Variants in WDR26 observed in about 807,000 individuals in gnomAD.
WDR26 encodes WD repeat-containing protein 26.
Under a neutral mutation model 84.1 loss-of-function variants are expected in WDR26, and 5 were observed. The ratio of observed to expected loss-of-function variants is 0.06; its 90% CI spans 0.03 to 0.13. The LOEUF is 0.13. Ranked by LOEUF, WDR26 falls within the 10% of genes least tolerant of loss-of-function variation. WDR26 has a pLI of 1.00. For missense variants in WDR26, 642 were observed against 974.9 expected (o/e 0.66, Z 4.55); for synonymous variants, 415 against 389.6 (o/e 1.07, Z -0.77).
rs1440337463 is a variant in WDR26, at chr1:224,385,656, G to C, written c.*4179C>G. 6.6e-6 allele frequency: 1 copy of C among 152,536 alleles called. No individual in the cohort carries two copies. The highest frequency in any genetic ancestry group is 2.4e-5 in the African/African-American group (1 of 41,410). The allele number at this position is 152,536 out of a possible 1,614,324, so 9.4% of individuals were successfully genotyped here. A position where few individuals can be genotyped will look rare whatever the true frequency, so the allele number is the denominator to read the frequency against. On this transcript the variant is annotated 3_prime_UTR_variant, in exon 14 of 14. Transcript: ENST00000414423. ...TTCTTTTCTTGATCTCTACAGCTTG[G>C]TTTGTAAGTACATACATGCTTTTGT...
intron 4 of WDR26, among the ~76,000 whole-genome samples, chr1:224,424,275 C>G (rs566337601): frequency 3.6e-4 from 55 of 152,280 alleles, no homozygotes; most frequent in African/African-American, 1.3e-3. Flanking sequence ...ATAGAACATT[C>G]TAAAATAGCA....
chr1:224,431,545 G>A lies in WDR26; in HGVS notation c.859C>T (p.His287Tyr). ...CTTACCACAATAGCATGAGGAGAAT[G>A]CACTAAAGGCTTTAGTTCATTCAGG... The change falls in exon 3 of 14, where the codon CAT (histidine) becomes TAT (tyrosine). Residue 287 changes from histidine to tyrosine, a missense_variant. Physicochemically the swap from His to Tyr is moderately conservative, Grantham distance 83. Coordinates refer to ENST00000414423, the MANE Select transcript of WDR26 (RefSeq NM_001379403.1). 6.8e-6 allele frequency: 11 copies of A among 1,614,022 alleles called. No individual in the cohort carries two copies. The highest frequency in any genetic ancestry group is 9.3e-6 in the Non-Finnish European group (11 of 1,179,968).
intron 5 of WDR26, 69 bp downstream of exon 5, chr1:224,419,449 C>T (rs12737765): frequency 1.7e-6 from 2 of 1,188,422 alleles, no homozygotes; most frequent in African/African-American, 3.0e-5. Context: ...ATCTGTCTTC[C>T]TAATTGATCA....
intron 6 of WDR26, among the ~76,000 whole-genome samples, chr1:224,415,593 T>C (rs1558434257): frequency 6.6e-6 from 1 of 151,652 alleles, no homozygotes; most frequent in East Asian, 2.0e-4. Flanking sequence ...CCTGAGTAGC[T>C]GGGACTACAG....
intron 9 of WDR26, 72 bp from the exon 10 acceptor site, chr1:224,399,106 C>A (rs1673338301): frequency 1.5e-6 from 2 of 1,358,770 alleles, no homozygotes; most frequent in African/African-American, 3.0e-5. Context: ...AACCAAAAGA[C>A]TCCCTTCACA....
intron 3 of WDR26, among the ~76,000 whole-genome samples, chr1:224,427,103 C>CAAAAAAAAAAAAAAAAAAAAAA (rs769063024): frequency 2.2e-5 from 2 of 91,168 alleles, no homozygotes; most frequent in African/African-American, 8.7e-5. Context: ...AACTCTGTCT[C>CAAAAAAAAAAAAAAAAAAAAAA]CAAAAAAAAA....
intron 7 of WDR26, among the ~76,000 whole-genome samples, chr1:224,410,281 C>A (rs1200974504): frequency 3.4e-3 from 351 of 103,058 alleles, no homozygotes; most frequent in African/African-American, 8.3e-3. Context: ...GACTTTGTCT[C>A]AAAAAAAAAA....
intron 3 of WDR26, among the ~76,000 whole-genome samples, chr1:224,425,747 A>G (rs1674191067): frequency 6.6e-6 from 1 of 152,236 alleles, no homozygotes; most frequent in South Asian, 2.1e-4. Context: ...CAGAGACATC[A>G]GTAGGTAGGA....
rs1386149379 is a variant in WDR26, at chr1:224,388,182, G to A, written c.*1653C>T. The A allele has an allele frequency of 2.6e-5, 4 of 152,192 alleles. No individual in the cohort carries two copies. The highest frequency in any genetic ancestry group is 5.9e-5 in the Non-Finnish European group (4 of 68,008). The allele number at this position is 152,192 out of a possible 1,614,324, so 9.4% of individuals were successfully genotyped here. A position where few individuals can be genotyped will look rare whatever the true frequency, so the allele number is the denominator to read the frequency against. Reference sequence around the variant, plus strand: ...CCCGACCACCTACCCCACAATGGAAGAATTTTTGACATCCAAGCCCTCTTC... The same window carrying A: ...CCCGACCACCTACCCCACAATGGAAAAATTTTTGACATCCAAGCCCTCTTC... On this transcript the variant is annotated 3_prime_UTR_variant, in exon 14 of 14. Transcript: ENST00000414423.
At position 224,387,019 on chromosome 1, in the gene WDR26, A is replaced by G. The variant is rs1673005591; in HGVS notation, c.*2816T>C. 1 of 152,612 alleles carries G rather than the reference A, an allele frequency of 6.6e-6. No individual in the cohort carries two copies. Among genetic ancestry groups the G allele is most frequent in the South Asian group, 2.1e-4 (1 of 4,836 alleles). 9.5% of individuals were successfully genotyped at this position (152,612 alleles called of 1,614,324 possible). On this transcript the variant is annotated 3_prime_UTR_variant, in exon 14 of 14. Transcript: ENST00000414423. Reference sequence around the variant, plus strand: ...TTGGAGGAAAAAGACATTTAATTTTATATTTGCTCTAGCCCTTAATCAATG... The same window carrying G: ...TTGGAGGAAAAAGACATTTAATTTTGTATTTGCTCTAGCCCTTAATCAATG...
intron 4 of WDR26, among the ~76,000 whole-genome samples, chr1:224,420,796 C>G (rs990061538): frequency 6.6e-6 from 1 of 152,006 alleles, no homozygotes; most frequent in African/African-American, 2.4e-5. Context: ...GACAGGGTTT[C>G]ACCATGTTAG....
intron 9 of WDR26, 92 bp downstream of exon 9, chr1:224,400,858 T>C (rs2102893837): frequency 6.5e-7 from 1 of 1,530,510 alleles, no homozygotes; most frequent in East Asian, 2.3e-5. Context: ...CAGAGTATAC[T>C]TTGTAAGATA....
At chr1:224,413,806 GTTTATC>G (rs1433619301) in intron 6 of WDR26, among the ~76,000 whole-genome samples, 5 of 152,080 alleles carry the variant, frequency 3.3e-5, no homozygotes, top group South Asian at 4.2e-4. Flanking sequence ...CTCCTCTAAT[GTTTATC>G]TTTATTTGTT....
chr1:224,432,087 CAAAT>C (rs554620329), intron 1 of WDR26, among the ~76,000 whole-genome samples: 45 of 152,250 alleles, frequency 3.0e-4, no homozygotes, highest in Admixed American at 8.5e-4. Context: ...ACCAACTAGT[CAAAT>C]AAATGAAAAA....
At chr1:224,393,710 A>G (rs1414947706) in intron 13 of WDR26, 118 bp downstream of exon 13, 1 of 845,644 alleles carries the variant, frequency 1.2e-6, no homozygotes, top group East Asian at 2.6e-5. Context: ...CAATATGTAA[A>G]AGAGAGAAAT....
Position 224,402,817 on chromosome 1 carries a change from A to G in WDR26, c.1599+1613T>C, listed in dbSNP as rs181165499. 7.9e-5 allele frequency among the ~76,000 whole-genome samples: 12 copies of G among 152,314 alleles called. No homozygotes were observed. In the East Asian group the frequency reaches 2.3e-3, roughly 29 times the overall value. On this transcript the variant is annotated intron_variant, in intron 8 of 13. Transcript: ENST00000414423. ...CCTCCCTGAACCCAATCACAAATAC[A>G]GCATTGATTAAATGCTGATTTGACA...
rs1396851722 is a variant in WDR26 at position 224,418,527 on chromosome 1, C to T, written c.1163-111G>A. 6 of 1,034,336 alleles carry T rather than the reference C, an allele frequency of 5.8e-6. No individual in the cohort carries two copies. In the South Asian group the frequency reaches 1.2e-4, roughly 20 times the overall value. 64.1% of individuals were successfully genotyped at this position (1,034,336 alleles called of 1,614,324 possible). On this transcript the variant is annotated intron_variant, in intron 5 of 13. Transcript: ENST00000414423. ...TGTTCCTACCCCAATAGTATCTATT[C>T]CTTAAATAGAGAAGTTCTGCGTTAT...
At chr1:224,433,195 A>G (rs909323546) in intron 1 of WDR26, among the ~76,000 whole-genome samples, 4 of 152,102 alleles carry the variant, frequency 2.6e-5, no homozygotes, top group African/African-American at 9.7e-5. Flanking sequence ...CCTGATTGGT[A>G]GTTTGCTTGG....
chr1:224,407,139 A>ATAT (rs1189132303), intron 7 of WDR26, among the ~76,000 whole-genome samples: 13 of 38,400 alleles, frequency 3.4e-4, no homozygotes, highest in Admixed American at 8.0e-4. Flanking sequence ...AAAAAAAAAA[A>ATAT]AAAAAAAAAA....
Sources: allele counts gnomAD v4.1 joint callset (sites outside exome capture counted in the v4.1 genomes callset), GRCh38; gene constraint gnomAD v4.1.1; transcripts MANE v1.5; gene names NCBI Gene and HGNC (gene_info 2026-07-23, HGNC 2026-07-21).